The following ADAMTS20 variants were observed in gnomAD, a reference collection of about 807,000 sequenced individuals.
ADAMTS20 encodes ADAM metallopeptidase with thrombospondin type 1 motif 20.
In ADAMTS20, 225 loss-of-function variants were observed where a neutral mutation model predicts 260.1. The observed-to-expected ratio is 0.87, with a 90% confidence interval of 0.78 to 0.97. The LOEUF is 0.97. Among genes scored for constraint, ADAMTS20 ranks in the 50% least tolerant of loss-of-function variants. ADAMTS20 has a pLI of 0.00. For synonymous variants in ADAMTS20, 802 were observed against 769.5 expected (o/e 1.04, Z -0.70); for missense variants, 2,400 against 2,337.7 (o/e 1.03, Z -0.55).
intron 3 of ADAMTS20, among the ~76,000 whole-genome samples, chr12:43,521,733 G>C (rs574134224): frequency 6.6e-6 from 1 of 151,576 alleles, no homozygotes; most frequent in South Asian, 2.1e-4. Flanking sequence ...ATGCCTATGG[G>C]GTAAGCAACA....
At chr12:43,522,315 G>A (rs756636495) in intron 3 of ADAMTS20, among the ~76,000 whole-genome samples, 4 of 152,146 alleles carry the variant, frequency 2.6e-5, no homozygotes, top group Non-Finnish European at 5.9e-5. Context: ...CCACTTCCAT[G>A]ATCCAATTAC....
intron 9 of ADAMTS20, 105 bp downstream of exon 9, chr12:43,466,547 T>C: frequency 9.2e-7 from 1 of 1,089,990 alleles, no homozygotes; most frequent in South Asian, 1.5e-5. Flanking sequence ...TAAACATAAA[T>C]TTAAACAAGA....
intron 28 of ADAMTS20, chr12:43,423,025 A>G (rs1434588254): frequency 6.6e-6 from 1 of 152,140 alleles, no homozygotes. Flanking sequence ...AGGATCAAAA[A>G]CATCTAAAAC....
At chr12:43,405,050 C>T (rs1940885609) in intron 28 of ADAMTS20, among the ~76,000 whole-genome samples, 1 of 151,580 alleles carries the variant, frequency 6.6e-6, no homozygotes, top group South Asian at 2.1e-4. Context: ...AACAGTTAAA[C>T]TACTACTCCT....
At position 43,376,630 on chromosome 12, in the gene ADAMTS20, C is replaced by G. The variant is rs1339380537; in HGVS notation, c.5019G>C (p.Gly1673=). The change falls in exon 33 of 39, where the codon GGG becomes GGC. Residue 1673 remains glycine, a synonymous_variant. Transcript: ENST00000389420. ...TGCATTTCACTTGTCTCTTCATTAT[C>G]CCAATTCCACAAGTCACTGAGCACT... is the stretch of plus-strand genomic sequence containing the variant. ...WSKCSVTCGI[G]IMKRQVKCIT... 1 of 1,612,760 alleles carries G rather than the reference C, an allele frequency of 6.2e-7. No individual in the cohort carries two copies. Among genetic ancestry groups the G allele is most frequent in the Non-Finnish European group, 8.5e-7 (1 of 1,179,488 alleles).
At chr12:43,401,572 T>C (rs1288751826) in intron 28 of ADAMTS20, among the ~76,000 whole-genome samples, 1 of 151,938 alleles carries the variant, frequency 6.6e-6, no homozygotes, top group Non-Finnish European at 1.5e-5. Flanking sequence ...TTCTACTCTA[T>C]AACTTTAGGT....
intron 11 of ADAMTS20, among the ~76,000 whole-genome samples, chr12:43,460,223 C>T (rs916663066): frequency 3.9e-5 from 6 of 152,202 alleles, no homozygotes; most frequent in Admixed American, 3.3e-4. Flanking sequence ...TCTGCATTGG[C>T]TCTAAAGTAA....
intron 3 of ADAMTS20, among the ~76,000 whole-genome samples, chr12:43,528,367 A>AAAAAAAAAAAAAC (rs1943174101): frequency 6.7e-6 from 1 of 148,518 alleles, no homozygotes; most frequent in Non-Finnish European, 1.5e-5. Flanking sequence ...AAAAAAAAAA[A>AAAAAAAAAAAAAC]AAAAAAACAC....
intron 18 of ADAMTS20, among the ~76,000 whole-genome samples, chr12:43,437,653 T>G (rs1458449135): frequency 1.3e-5 from 2 of 152,210 alleles, no homozygotes; most frequent in Non-Finnish European, 2.9e-5. Context: ...TATGTCATTT[T>G]CAGATATGAA....
chr12:43,381,609 C>T (rs1179369260), intron 31 of ADAMTS20, among the ~76,000 whole-genome samples: 1 of 123,826 alleles, frequency 8.1e-6, no homozygotes, highest in Non-Finnish European at 1.7e-5. Context: ...CAGGGAGACC[C>T]CATCTCTACA....
At chr12:43,388,182 C>T (rs1019902067) in intron 29 of ADAMTS20, among the ~76,000 whole-genome samples, 2 of 152,058 alleles carry the variant, frequency 1.3e-5, no homozygotes, top group East Asian at 1.9e-4. Context: ...GTCTCCTGGT[C>T]GGTGGGTTGC....
chr12:43,378,440 T>G (rs1698443292), intron 31 of ADAMTS20, among the ~76,000 whole-genome samples: 1 of 152,174 alleles, frequency 6.6e-6, no homozygotes, highest in African/African-American at 2.4e-5. Flanking sequence ...CCAGCTAGAC[T>G]GGAAAATTTA....
chr12:43,515,998 C>A (rs1437544235), intron 3 of ADAMTS20, among the ~76,000 whole-genome samples: 2 of 152,104 alleles, frequency 1.3e-5, no homozygotes, highest in African/African-American at 2.4e-5. Flanking sequence ...AAAGAAATTG[C>A]AGACTGACAG....
chr12:43,384,102 TA>T (rs937792390), intron 29 of ADAMTS20, 125 bp from the exon 30 acceptor site: 1 of 886,734 alleles, frequency 1.1e-6, no homozygotes, highest in Non-Finnish European at 1.6e-6. Flanking sequence ...ATGAATTAGA[TA>T]AAAAATACAT....
chr12:43,548,869 G>A (rs574322110), intron 2 of ADAMTS20, among the ~76,000 whole-genome samples: 39 of 152,014 alleles, frequency 2.6e-4, no homozygotes, highest in African/African-American at 6.0e-4. Flanking sequence ...GAAAAGAAAC[G>A]TTTAAATGTT....
chr12:43,353,364 TAGAATAC>T (rs1939673955), downstream of ADAMTS20, among the ~76,000 whole-genome samples: 1 of 151,952 alleles, frequency 6.6e-6, no homozygotes, highest in Non-Finnish European at 1.5e-5. Flanking sequence ...ATTTAATTAA[TAGAATAC>T]AGTACATAAC....
chr12:43,365,971 C>G lies in ADAMTS20; in HGVS notation c.5538+3319G>C, dbSNP rs1939975466. Among the ~76,000 whole-genome samples the G allele has an allele frequency of 2.0e-5, 3 of 151,758 alleles. No homozygotes were observed. The South Asian group carries it at 6.2e-4, about 31-fold the overall frequency. ...ATAAAAAGAAAGCAGTAAGGAGGAA[C>G]AGTTGAACAAAGACAACATGAAACA... On this transcript the variant is annotated intron_variant, in intron 37 of 38. Coordinates refer to ENST00000389420, the MANE Select transcript of ADAMTS20 (RefSeq NM_025003.5).
chr12:43,507,434 A>T, intron 3 of ADAMTS20, among the ~76,000 whole-genome samples: 1 of 152,082 alleles, frequency 6.6e-6, no homozygotes. Context: ...CCTTCTCCAC[A>T]CTCCTCAAAA....
intron 2 of ADAMTS20, 53 bp downstream of exon 2, chr12:43,550,856 T>G (rs1304788270): frequency 1.4e-6 from 2 of 1,474,760 alleles, no homozygotes; most frequent in Non-Finnish European, 1.8e-6. Context: ...GTTCGCTGAA[T>G]GTAGCCCTTG....
Sources: allele counts gnomAD v4.1 joint callset (sites outside exome capture counted in the v4.1 genomes callset), GRCh38; gene constraint gnomAD v4.1.1; transcripts MANE v1.5; gene names NCBI Gene and HGNC (gene_info 2026-07-23, HGNC 2026-07-21).